The following UBXN2A variants were observed in gnomAD, a reference collection of about 807,000 sequenced individuals.
UBXN2A encodes the protein UBX domain protein 2A.
UBXN2A carries 28 observed loss-of-function variants against 28.4 expected under a neutral mutation model. The ratio of observed to expected loss-of-function variants is 0.99; its 90% CI spans 0.73 to 1.35. UBXN2A has a LOEUF of 1.35. Among genes scored for constraint, UBXN2A ranks in the 40% most tolerant of loss-of-function variants. The pLI is 0.00. For missense variants in UBXN2A, 253 were observed against 297.9 expected, an observed-to-expected ratio of 0.85 and a Z score of 1.11; for synonymous variants, 97 against 103.6, an observed-to-expected ratio of 0.94 and a Z score of 0.39.
In UBXN2A at chr2:23,933,135, TAAAGG is replaced by T. The variant is rs1344879264; in HGVS notation, c.-138+5522_-138+5526del. On this transcript the variant is annotated intron_variant, in intron 1 of 7. Coordinates refer to the UBXN2A transcript ENST00000404924. ...AATAAAATTAAATTAAATTAAAAAA[TAAAGG>T]AGAGATTAAAAAGAACTAATGAGCA... 2.0e-5 allele frequency among the ~76,000 whole-genome samples: 3 copies of T among 150,592 alleles called. No homozygotes were observed. The East Asian group carries it at 5.9e-4, about 30-fold the overall frequency.
upstream of UBXN2A, among the ~76,000 whole-genome samples, chr2:23,935,562 G>A (rs755422502): frequency 2.0e-5 from 3 of 152,134 alleles, no homozygotes; most frequent in Non-Finnish European, 4.4e-5. Context: ...TCATTAGGGC[G>A]GGATAGTTAT....
chr2:23,970,547 G>A (rs1707371350), intron 2 of UBXN2A, among the ~76,000 whole-genome samples: 1 of 152,082 alleles, frequency 6.6e-6, no homozygotes, highest in African/African-American at 2.4e-5. Flanking sequence ...TTTTGTGGAA[G>A]ACAGTTTTTC....
At chr2:23,990,009 A>T (rs1400231033) in intron 6 of UBXN2A, among the ~76,000 whole-genome samples, 1 of 152,168 alleles carries the variant, frequency 6.6e-6, no homozygotes, top group Non-Finnish European at 1.5e-5. Context: ...ACATTTATTT[A>T]ATCAGTTTTC....
intron 1 of UBXN2A, among the ~76,000 whole-genome samples, chr2:23,930,596 C>G (rs145136439): frequency 7.9e-5 from 12 of 152,164 alleles, no homozygotes; most frequent in Admixed American, 7.9e-4. Context: ...AGGTGGCTCA[C>G]GCCTATAATC....
In UBXN2A at chr2:23,933,051, G is replaced by A. The variant is rs1431599900; in HGVS notation, c.-138+5436G>A. ...ACCCAGGAAGTGGAGGTTGCAGTGAGCCAAGATCGCACCACTGCCCTTCAG... is the reference window on the plus strand; with the variant it reads ...ACCCAGGAAGTGGAGGTTGCAGTGAACCAAGATCGCACCACTGCCCTTCAG... On this transcript the variant is annotated intron_variant, in intron 1 of 7. Coordinates refer to the UBXN2A transcript ENST00000404924. Among the ~76,000 whole-genome samples, 3 of 152,242 alleles carry A rather than the reference G, an allele frequency of 2.0e-5. No homozygotes were observed. The East Asian group carries it at 5.8e-4, about 29-fold the overall frequency.
intron 1 of UBXN2A, among the ~76,000 whole-genome samples, chr2:23,932,603 TCAA>T (rs1447577324): frequency 6.6e-6 from 1 of 152,006 alleles, no homozygotes; most frequent in Non-Finnish European, 1.5e-5. Context: ...AACACACTGA[TCAA>T]CAGGTTTACA....
chr2:23,998,064 A>C (rs1708609181), intron 6 of UBXN2A, among the ~76,000 whole-genome samples: 1 of 149,022 alleles, frequency 6.7e-6, no homozygotes. Flanking sequence ...CACCCACCTC[A>C]GCCTCCCAAA....
At chr2:23,944,024 G>C in intron 1 of UBXN2A, 1 of 548,662 alleles carries the variant, frequency 1.8e-6, no homozygotes, top group Admixed American at 2.4e-5. Context: ...TCACTATCTA[G>C]AGTTGGTGTC....
intron 6 of UBXN2A, among the ~76,000 whole-genome samples, chr2:23,988,887 T>G (rs1031575929): frequency 6.6e-6 from 1 of 152,210 alleles, no homozygotes; most frequent in Non-Finnish European, 1.5e-5. Flanking sequence ...TTAAACTGAT[T>G]CCTGTGTTAT....
chr2:23,977,229 G>A (rs939061484), intron 4 of UBXN2A, 154 bp downstream of exon 4: 5 of 529,918 alleles, frequency 9.4e-6, no homozygotes, highest in Non-Finnish European at 1.7e-5. Flanking sequence ...AGCCAGCCCA[G>A]CTACTCAGGA....
intron 2 of UBXN2A, among the ~76,000 whole-genome samples, chr2:23,960,035 G>C (rs1453369858): frequency 6.6e-6 from 1 of 151,984 alleles, no homozygotes; most frequent in Non-Finnish European, 1.5e-5. Context: ...GGTGGATCAC[G>C]AAGTCAGGAG....
At chr2:23,933,431 G>A (rs572301509) in intron 1 of UBXN2A, among the ~76,000 whole-genome samples, 3 of 151,722 alleles carry the variant, frequency 2.0e-5, no homozygotes, top group South Asian at 2.1e-4. Flanking sequence ...GCTTGAACCC[G>A]GGAGGCAGAG....
chr2:23,934,703 G>T (rs889578274), intron 1 of UBXN2A, among the ~76,000 whole-genome samples: 6 of 152,090 alleles, frequency 3.9e-5, no homozygotes, highest in African/African-American at 1.4e-4. Context: ...AGTCAACACA[G>T]AAAGAAATTA....
chr2:23,936,556 A>G (rs556157863), upstream of UBXN2A, among the ~76,000 whole-genome samples: 2 of 150,722 alleles, frequency 1.3e-5, no homozygotes, highest in East Asian at 3.9e-4. Flanking sequence ...AAAAAAAAAA[A>G]GAGAGAAAGA....
intron 3 of UBXN2A, among the ~76,000 whole-genome samples, chr2:23,973,742 C>T (rs938116010): frequency 6.6e-6 from 1 of 151,888 alleles, no homozygotes; most frequent in South Asian, 2.1e-4. Context: ...AAGCCATTCT[C>T]CTGCCTCAGC....
At chr2:23,961,137 C>T (rs1240571663) in intron 2 of UBXN2A, among the ~76,000 whole-genome samples, 2 of 150,490 alleles carry the variant, frequency 1.3e-5, no homozygotes, top group Admixed American at 7.0e-5. Context: ...CTCTTGTCAC[C>T]CAGGCTGGGG....
intron 3 of UBXN2A, among the ~76,000 whole-genome samples, chr2:23,975,253 A>G (rs1398299570): frequency 6.6e-6 from 1 of 152,168 alleles, no homozygotes; most frequent in Non-Finnish European, 1.5e-5. Context: ...GATGGTTGGT[A>G]AGTTTCAGAT....
At chr2:23,929,300 C>T (rs959991177) in intron 1 of UBXN2A, among the ~76,000 whole-genome samples, 3 of 151,916 alleles carry the variant, frequency 2.0e-5, no homozygotes, top group Non-Finnish European at 4.4e-5. Flanking sequence ...ACTCCTGAGA[C>T]TGAGGCGCCA....
At chr2:23,962,675 G>A (rs1351392502) in intron 2 of UBXN2A, among the ~76,000 whole-genome samples, 4 of 145,196 alleles carry the variant, frequency 2.8e-5, no homozygotes, top group African/African-American at 7.7e-5. Flanking sequence ...ATGCAGTCTC[G>A]GCTCATGGCA....
Sources: allele counts gnomAD v4.1 joint callset (sites outside exome capture counted in the v4.1 genomes callset), GRCh38; gene constraint gnomAD v4.1.1; transcripts MANE v1.5; gene names NCBI Gene and HGNC (gene_info 2026-07-23, HGNC 2026-07-21).